The following ANKMY1 variants were observed in gnomAD, a reference collection of about 807,000 sequenced individuals.
The protein encoded by ANKMY1 is ankyrin repeat and MYND domain-containing protein 1.
ANKMY1 carries 98 observed loss-of-function variants against 102.0 expected under a neutral mutation model. That is an observed-to-expected ratio of 0.96 (90% CI 0.82 to 1.14). ANKMY1 has a LOEUF of 1.14. Ranked by LOEUF, ANKMY1 falls within the 50% of genes most tolerant of loss-of-function variation. The pLI, the probability that ANKMY1 is intolerant of heterozygous loss-of-function variation, is 0.00. For synonymous variants in ANKMY1, 582 were observed against 559.9 expected, an observed-to-expected ratio of 1.04 and a Z score of -0.56; for missense variants, 1,330 against 1,347.6, an observed-to-expected ratio of 0.99 and a Z score of 0.20.
chr2:240,557,984 CCTA>C lies in ANKMY1; in HGVS notation c.-124_-122del, dbSNP rs1199828239. The C allele has an allele frequency of 3.0e-6, 3 of 985,492 alleles. No homozygotes were observed. The African/African-American group carries it at 5.2e-5, about 17-fold the overall frequency. The allele number at this position is 985,492 out of a possible 1,614,324, so 61.0% of individuals were successfully genotyped here. ...GTCCCGACTGCTTGCCAGCCCTGCG[CCTA>C]CGGAGAGCGTCGCGTTTCCCTGGAG... is the stretch of plus-strand genomic sequence containing the variant. On this transcript the variant is annotated 5_prime_UTR_variant, in exon 1 of 18. Coordinates refer to ENST00000401804, the MANE Select transcript of ANKMY1 (RefSeq NM_001282771.3).
At chr2:240,551,085 C>T (rs1316531162) in intron 4 of ANKMY1, among the ~76,000 whole-genome samples, 3 of 151,946 alleles carry the variant, frequency 2.0e-5, no homozygotes, top group Non-Finnish European at 1.5e-5. Context: ...CATTGCTCAC[C>T]CAATATGACA....
intron 4 of ANKMY1, among the ~76,000 whole-genome samples, chr2:240,532,653 A>G (rs1225932010): frequency 6.6e-6 from 1 of 152,234 alleles, no homozygotes; most frequent in Admixed American, 6.5e-5. Flanking sequence ...ACTAACATGT[A>G]AAAAGCTGCA....
intron 4 of ANKMY1, among the ~76,000 whole-genome samples, chr2:240,546,220 A>G (rs1225959962): frequency 6.6e-6 from 1 of 151,942 alleles, no homozygotes; most frequent in Non-Finnish European, 1.5e-5. Context: ...ATTCTTAAAG[A>G]AAAGAATTTT....
rs530675127 is a variant in ANKMY1, at chr2:240,557,444, T to C, written c.-17-92A>G. ...AGGCCCGGCCCGCGGCCCCTGAGCC[T>C]CAGAGAACCCAAGCCCCTCCCTGAA... is the stretch of plus-strand genomic sequence containing the variant. On this transcript the variant is annotated intron_variant, in intron 1 of 17. Coordinates refer to ENST00000401804, the MANE Select transcript of ANKMY1 (RefSeq NM_001282771.3). 154 of 1,379,014 alleles carry C rather than the reference T, an allele frequency of 1.1e-4. No homozygotes were observed. In the African/African-American group the frequency reaches 2.1e-3, roughly 19 times the overall value. 85.4% of individuals were successfully genotyped at this position (1,379,014 alleles called of 1,614,324 possible). A position where few individuals can be genotyped will look rare whatever the true frequency, so the allele number is the denominator to read the frequency against.
intron 4 of ANKMY1, among the ~76,000 whole-genome samples, chr2:240,544,672 C>A (rs531199019): frequency 1.4e-4 from 22 of 151,788 alleles, no homozygotes; most frequent in East Asian, 3.9e-4. Context: ...AAGCCGAAGC[C>A]GGGCGAGGCA....
rs375240018 is a variant in ANKMY1 at position 240,483,159 on chromosome 2, AT to A, written c.2807-899del. On this transcript the variant is annotated intron_variant, in intron 15 of 17. Coordinates refer to ENST00000401804, the MANE Select transcript of ANKMY1 (RefSeq NM_001282771.3). ...TTACTTTGTCTGTTTGTATCATCGA[AT>A]TTTTTTTTTTCTTTTTGAGACAGTC... Among the ~76,000 whole-genome samples, 740 of 147,444 alleles carry A rather than the reference AT, an allele frequency of 5.0e-3. 4 individuals carry two copies. The highest frequency in any genetic ancestry group is 0.013 in the African/African-American group (523 of 40,222).
rs4074478 is a variant in ANKMY1, at chr2:240,506,923, C to T, written c.2526+637G>A. On this transcript the variant is annotated intron_variant, in intron 13 of 17. Coordinates refer to ENST00000401804, the MANE Select transcript of ANKMY1 (RefSeq NM_001282771.3). The surrounding 1 kb of genome is among the most constrained non-coding windows in gnomAD (Gnocchi z 4.9). Reference sequence around the variant, plus strand: ...TGTCTCCAGCGCGGGCAGGATTTCCCGACTGTGAGCTTCCACCTAAGAAAG... The same window carrying T: ...TGTCTCCAGCGCGGGCAGGATTTCCTGACTGTGAGCTTCCACCTAAGAAAG... Among the ~76,000 whole-genome samples, 15,663 of 152,024 alleles carry T rather than the reference C, an allele frequency of 0.1. 832 individuals are homozygous for T. Among genetic ancestry groups the T allele is most frequent in the Admixed American group, 0.11 (1,757 of 15,282 alleles).
At chr2:240,531,075 T>A (rs2085272604) in intron 4 of ANKMY1, among the ~76,000 whole-genome samples, 1 of 151,962 alleles carries the variant, frequency 6.6e-6, no homozygotes, top group Admixed American at 6.6e-5. Context: ...CAATTAATAA[T>A]CAGTAAAACA....
chr2:240,507,779 C>A, intron 12 of ANKMY1, 88 bp from the exon 13 acceptor site: 1 of 1,446,312 alleles, frequency 6.9e-7, no homozygotes, highest in Admixed American at 2.5e-5. Flanking sequence ...CACTCCAGAA[C>A]TAACCCCTGA....
chr2:240,558,099 G>A (rs528272792), upstream of ANKMY1: 126 of 558,728 alleles, frequency 2.3e-4, 1 homozygote, highest in African/African-American at 2.3e-3. Context: ...GGGCGTGCCC[G>A]CCCTCTGTGA....
intron 4 of ANKMY1, among the ~76,000 whole-genome samples, chr2:240,532,807 C>T (rs913832497): frequency 1.3e-5 from 2 of 152,194 alleles, no homozygotes; most frequent in South Asian, 2.1e-4. Context: ...TGGGCTCAAG[C>T]GAGCCTCCCA....
downstream of ANKMY1, among the ~76,000 whole-genome samples, chr2:240,475,876 T>C (rs1449034180): frequency 6.6e-6 from 1 of 152,130 alleles, no homozygotes; most frequent in African/African-American, 2.4e-5. Context: ...ATGGAAGACA[T>C]TTTATGTTCA....
chr2:240,505,739 A>G (rs2078964354), intron 13 of ANKMY1, among the ~76,000 whole-genome samples: 1 of 152,148 alleles, frequency 6.6e-6, no homozygotes, highest in South Asian at 2.1e-4. Flanking sequence ...TTAGTAAATA[A>G]ACAAACAGTA....
rs113874082 is a variant in ANKMY1 at position 240,512,066 on chromosome 2, G to A, written c.2146-65C>T. On this transcript the variant is annotated intron_variant, in intron 10 of 17. Coordinates refer to ENST00000401804, the MANE Select transcript of ANKMY1 (RefSeq NM_001282771.3). ...GCCGTGTGCCCACGGGAAGGCAAAC[G>A]GAGCAAGGGAGCTTCCTCCCCAGCC... 3.1e-5 allele frequency: 46 copies of A among 1,462,170 alleles called. No individual in the cohort carries two copies. In the East Asian group the frequency reaches 5.5e-4, roughly 17 times the overall value. 90.6% of individuals were successfully genotyped at this position (1,462,170 alleles called of 1,614,324 possible).
chr2:240,542,862 T>C (rs920430408), intron 4 of ANKMY1, among the ~76,000 whole-genome samples: 5 of 150,360 alleles, frequency 3.3e-5, no homozygotes, highest in East Asian at 1.9e-4. Flanking sequence ...AATTTATGAA[T>C]TGAAATTAAG....
In ANKMY1 at chr2:240,520,398, C is replaced by A; in HGVS notation, c.1968G>T (p.Glu656Asp). The change falls in exon 9 of 18, where the codon GAG (glutamate) becomes GAT (aspartate). Residue 656 changes from glutamate (E) to aspartate (D), a missense_variant. Physicochemically the swap from Glu to Asp is conservative, Grantham distance 45 (BLOSUM62 2). Transcript: ENST00000401804. This position sits in a 1 kb window ranked among gnomAD's most constrained non-coding sequence, Gnocchi z 4.8. ...GDVDGVRLLL[E>D]HGARTDICFP... ...AGCAGATGTCGGTCCTCGCCCCGTG[C>A]TCCAGCAGCAGCCTCACCCCATCCA... is the stretch of plus-strand genomic sequence containing the variant. The A allele has an allele frequency of 6.3e-7, 1 of 1,595,348 alleles. No individual in the cohort carries two copies. The highest frequency in any genetic ancestry group is 8.5e-7 in the Non-Finnish European group (1 of 1,170,972).
rs2079159170 is a variant in ANKMY1 at position 240,506,856 on chromosome 2, G to C, written c.2526+704C>G. ...CTGAGAGTTTCCCAGAGCCACATGG[G>C]AGGGACACTCCAGGGACGTGCCTAG... is the stretch of plus-strand genomic sequence containing the variant. On this transcript the variant is annotated intron_variant, in intron 13 of 17. Transcript: ENST00000401804. This position sits in a 1 kb window ranked among gnomAD's most constrained non-coding sequence, Gnocchi z 4.9. Among the ~76,000 whole-genome samples, 1 of 152,292 alleles carries C rather than the reference G, an allele frequency of 6.6e-6. No individual in the cohort carries two copies. Among genetic ancestry groups the C allele is most frequent in the South Asian group, 2.1e-4 (1 of 4,824 alleles).
chr2:240,515,262 C>T (rs769437335), intron 9 of ANKMY1, among the ~76,000 whole-genome samples: 32 of 152,254 alleles, frequency 2.1e-4, no homozygotes, highest in East Asian at 9.7e-4. Flanking sequence ...GTTGGCTGGA[C>T]GCGGTATCTC....
Position 240,480,984 on chromosome 2 carries a change from G to A in ANKMY1, c.2999C>T (p.Ala1000Val), listed in dbSNP as rs1012922049. Residue 1000 changes from alanine (A) to valine (V), a missense_variant, in exon 17 of 18, where the codon GCC (alanine) becomes GTC (valine). Ala to Val is a moderately conservative substitution (Grantham distance 64). Transcript: ENST00000401804. ...GTCCTTCTTGTGGAACTCGGTCCAGGCCTTGGTCTTGCAGTACTTGCTGCA... is the reference window on the plus strand; with the variant it reads ...GTCCTTCTTGTGGAACTCGGTCCAGACCTTGGTCTTGCAGTACTTGCTGCA... Reference protein sequence around the residue: ...LTCSKYCKTKAWTEFHKKDCG... With the variant: ...LTCSKYCKTKVWTEFHKKDCG... The A allele has an allele frequency of 6.2e-7, 1 of 1,613,840 alleles. No homozygotes were observed. The highest frequency in any genetic ancestry group is 8.5e-7 in the Non-Finnish European group (1 of 1,179,760).
Sources: gnomAD v4.1 joint callset for allele counts (sites outside exome capture counted in the v4.1 genomes callset) on GRCh38, gnomAD v4.1.1 for gene constraint, Gnocchi (gnomAD v3.1) non-coding constraint, MANE v1.5 for transcripts, NCBI Gene and HGNC (gene_info 2026-07-23, HGNC 2026-07-21) for gene names.